The following ALG1 variants were observed in gnomAD, a reference collection of about 807,000 sequenced individuals.
The protein encoded by ALG1 is chitobiosyldiphosphodolichol beta-mannosyltransferase.
ALG1 carries 58 observed loss-of-function variants against 55.1 expected under a neutral mutation model. The ratio of observed to expected loss-of-function variants is 1.05; its 90% CI spans 0.85 to 1.31. The LOEUF (loss-of-function observed/expected upper bound fraction) is 1.31. Among genes scored for constraint, ALG1 ranks in the 50% most tolerant of loss-of-function variants. The pLI, the probability that ALG1 is intolerant of heterozygous loss-of-function variation, is 0.00. For missense variants in ALG1, 761 were observed against 598.6 expected (o/e 1.27, Z -2.83); for synonymous variants, 309 against 247.0 (o/e 1.25, Z -2.35).
At chr16:5,080,888 G>T in intron 9 of ALG1, 58 bp from the exon 10 acceptor site, 1 of 1,583,524 alleles carries the variant, frequency 6.3e-7, no homozygotes, top group Non-Finnish European at 8.6e-7. Context: ...CTTGGGCCTG[G>T]GGCCACGTGG....
chr16:5,076,191 C>T (rs115275567), intron 4 of ALG1, among the ~76,000 whole-genome samples: 4 of 152,344 alleles, frequency 2.6e-5, no homozygotes, highest in African/African-American at 9.6e-5. Context: ...ATACTCTGCA[C>T]GGCCAGCCTT....
chr16:5,073,758 AG>A, intron 3 of ALG1, among the ~76,000 whole-genome samples: 1 of 152,262 alleles, frequency 6.6e-6, no homozygotes. Flanking sequence ...CTTGCCGCCC[AG>A]GCTGGAGTGC....
At chr16:5,083,970 C>T (rs1164673935) in intron 12 of ALG1, among the ~76,000 whole-genome samples, 1 of 152,140 alleles carries the variant, frequency 6.6e-6, no homozygotes, top group Non-Finnish European at 1.5e-5. Context: ...CCCCCACCTG[C>T]CCTCTGGATT....
chr16:5,083,815 C>T (rs1357206676), intron 12 of ALG1, 58 bp downstream of exon 12: 19 of 1,596,628 alleles, frequency 1.2e-5, no homozygotes, highest in Non-Finnish European at 1.5e-5. Flanking sequence ...GGCACCGAGC[C>T]AGGCTCCCTG....
chr16:5,074,786 C>T (rs183269349), intron 3 of ALG1, among the ~76,000 whole-genome samples: 1 of 152,148 alleles, frequency 6.6e-6, no homozygotes, highest in Non-Finnish European at 1.5e-5. Flanking sequence ...TGTTGTTAGA[C>T]CTTTTTAGAA....
intron 8 of ALG1, 68 bp downstream of exon 8, chr16:5,079,170 T>C (rs961771402): frequency 4.7e-5 from 74 of 1,571,840 alleles, no homozygotes; most frequent in Non-Finnish European, 6.4e-5. Flanking sequence ...GCTGCTTGCC[T>C]GGCCTGCAGC....
chr16:5,083,933 C>A (rs1040999421), intron 12 of ALG1, among the ~76,000 whole-genome samples, 176 bp downstream of exon 12: 2 of 152,074 alleles, frequency 1.3e-5, no homozygotes, highest in African/African-American at 4.8e-5. Context: ...CGTTTCGGTA[C>A]AGTAGGCTCG....
Position 5,084,686 on chromosome 16 carries a change from G to T in ALG1, c.1264-64G>T, listed in dbSNP as rs1703531369. ...GGGTCGGGGACCTGGGGTCAGCCAG[G>T]TGGTGACCTGGGATGGGGTGGGGAC... On this transcript the variant is annotated intron_variant, in intron 12 of 12. Transcript: ENST00000262374. 17 of 1,595,586 alleles carry T rather than the reference G, an allele frequency of 1.1e-5. No homozygotes were observed. In the South Asian group the frequency reaches 1.9e-4, roughly 18 times the overall value.
intron 5 of ALG1, 131 bp from the exon 6 acceptor site, chr16:5,077,776 C>T (rs957191657): frequency 3.0e-5 from 34 of 1,127,964 alleles, no homozygotes; most frequent in Non-Finnish European, 4.2e-5. Flanking sequence ...CAAGTAATTG[C>T]AAGGCTTCTT....
rs1304213584 is a variant in ALG1 at position 5,073,152 on chromosome 16, G to A, written c.287-1G>A. ...AGTCACAGGTGTTTTCTGACTTGCA[G>A]TTGGGCCCCGAGTTTTCCAGTACGG... On this transcript the variant is annotated splice_acceptor_variant, in intron 2 of 12. Transcript: ENST00000262374. LOFTEE classifies it high-confidence loss of function. 6 of 1,614,160 alleles carry A rather than the reference G, an allele frequency of 3.7e-6. No individual in the cohort carries two copies. The highest frequency in any genetic ancestry group is 1.1e-5 in the South Asian group (1 of 91,084).
At chr16:5,080,859 C>G in intron 9 of ALG1, 87 bp from the exon 10 acceptor site, 4 of 1,530,288 alleles carry the variant, frequency 2.6e-6, no homozygotes, top group South Asian at 2.2e-5. Context: ...GGAAAGGGAT[C>G]CCTCCTAGGG....
chr16:5,073,516 T>C, intron 3 of ALG1: 1 of 528,350 alleles, frequency 1.9e-6, no homozygotes, highest in Non-Finnish European at 3.4e-6. Context: ...ACAGTTACCC[T>C]AAGAAATATT....
chr16:5,072,044 C>G lies in ALG1; in HGVS notation c.195C>G (p.Leu65=). Residue 65 remains leucine (L), a synonymous_variant, in exon 1 of 13, where the codon CTC becomes CTG. Coordinates refer to ENST00000262374, the MANE Select transcript of ALG1 (RefSeq NM_019109.5). The part of the protein sequence containing the change: ...SLAMHGFSVT[L]LGFCNSKPHD... ...CCATGCACGGCTTCTCGGTGACCCT[C>G]CTGGGGTTCTGCAGTGAGTGGCCAA... The G allele has an allele frequency of 6.3e-7, 1 of 1,584,280 alleles. No homozygotes were observed.
intron 4 of ALG1, 125 bp downstream of exon 4, chr16:5,075,661 T>C: frequency 8.2e-7 from 1 of 1,222,712 alleles, no homozygotes; most frequent in South Asian, 1.2e-5. Context: ...GGGGTGAGGC[T>C]GGTGAATCAG....
Position 5,071,855 on chromosome 16 carries a change from G to T in ALG1, c.6G>T (p.Ala2=), listed in dbSNP as rs1340289136. Reference sequence around the variant, plus strand: ...ACTGCTGCGGGCCAGCCAAGATGGCGGCCTCATGCTTGGTCCTGCTGGCGC... The same window carrying T: ...ACTGCTGCGGGCCAGCCAAGATGGCTGCCTCATGCTTGGTCCTGCTGGCGC... The part of the protein sequence containing the change: M[A]ASCLVLLALC... Residue 2 remains alanine (A), a synonymous_variant, in exon 1 of 13, where the codon GCG becomes GCT. Transcript: ENST00000262374. 6.2e-7 allele frequency: 1 copy of T among 1,604,548 alleles called. No individual in the cohort carries two copies.
intron 9 of ALG1, among the ~76,000 whole-genome samples, chr16:5,080,061 C>A (rs1006562847): frequency 2.7e-5 from 4 of 148,072 alleles, no homozygotes; most frequent in African/African-American, 9.8e-5. Flanking sequence ...GTTGTTGTTA[C>A]GTCATTGGTG....
intron 1 of ALG1, 68 bp downstream of exon 1, chr16:5,072,125 G>A (rs1956827650): frequency 6.5e-7 from 1 of 1,548,910 alleles, no homozygotes; most frequent in Non-Finnish European, 8.7e-7. Flanking sequence ...TAACCGCCCC[G>A]GGGAGTCGAG....
rs1195474564 is a variant in ALG1, at chr16:5,078,604, A to G, written c.741-153A>G. The G allele has an allele frequency of 2.3e-5, 31 of 1,334,898 alleles. No homozygotes were observed. In the Admixed American group the frequency reaches 4.5e-4, roughly 19 times the overall value. The allele number at this position is 1,334,898 out of a possible 1,614,324, so 82.7% of individuals were successfully genotyped here. Reference sequence around the variant, plus strand: ...CAACAATATTAGAGAAAGCAAGCCCAGGCCTCAGATGGCAGGGGTGGCCTG... The same window carrying G: ...CAACAATATTAGAGAAAGCAAGCCCGGGCCTCAGATGGCAGGGGTGGCCTG... On this transcript the variant is annotated intron_variant, in intron 6 of 12. Coordinates refer to ENST00000262374, the MANE Select transcript of ALG1 (RefSeq NM_019109.5).
rs765599429 is a variant in ALG1, at chr16:5,084,873, G to T, written c.1387G>T (p.Asp463Tyr). 6 of 1,594,826 alleles carry T rather than the reference G, an allele frequency of 3.8e-6. No individual in the cohort carries two copies. In the Admixed American group the frequency reaches 6.7e-5, roughly 18 times the overall value. ...GCAGACTGTGCTCCCTTTGGTTATG[G>T]ACACATAACTCCTGGGCCAGAGGCT... is the stretch of plus-strand genomic sequence containing the variant. ...WVQTVLPLVM[D>Y]T The change falls in exon 13 of 13, where the codon GAC (aspartate) becomes TAC (tyrosine). Residue 463 changes from aspartate to tyrosine, a missense_variant. Asp to Tyr is a radical substitution (Grantham distance 160). Transcript: ENST00000262374.
Sources: gnomAD v4.1 joint callset for allele counts (sites outside exome capture counted in the v4.1 genomes callset) on GRCh38, gnomAD v4.1.1 for gene constraint, MANE v1.5 for transcripts, NCBI Gene and HGNC (gene_info 2026-07-23, HGNC 2026-07-21) for gene names.